The following MPP7 variants were observed in gnomAD, a reference collection of about 807,000 sequenced individuals.
MPP7 encodes the protein MAGUK p55 scaffold protein 7.
A neutral mutation model predicts 76.5 loss-of-function variants in MPP7; 60 were observed. That is an observed-to-expected ratio of 0.78 (90% CI 0.64 to 0.97). MPP7 has a LOEUF of 0.97. MPP7 is among the 50% of genes least tolerant of loss of function. MPP7 has a pLI of 0.00. For synonymous variants in MPP7, 237 were observed against 244.5 expected, an observed-to-expected ratio of 0.97 and a Z score of 0.29; for missense variants, 641 against 694.0, an observed-to-expected ratio of 0.92 and a Z score of 0.86.
Position 28,131,683 on chromosome 10 carries a change from G to C in MPP7, c.324C>G (p.Leu108=), listed in dbSNP as rs376512908. 4.6e-5 allele frequency: 73 copies of C among 1,575,730 alleles called. No homozygotes were observed. The highest frequency in any genetic ancestry group is 6.8e-5 in the Admixed American group (4 of 58,582). Residue 108 remains leucine (L), a synonymous_variant, in exon 6 of 17, where the codon CTC becomes CTG. Transcript: ENST00000683449. Reference sequence around the variant, plus strand: ...TCTGAGCCACAGTATCATGTACAGAGAGCAAAGCCTGTAATATTCAAAGGT... The same window carrying C: ...TCTGAGCCACAGTATCATGTACAGACAGCAAAGCCTGTAATATTCAAAGGT... ...LLSKPNVKAL[L]SVHDTVAQKN... is the part of the protein sequence containing the mutation.
At chr10:28,314,286 C>T (rs1219798123) in intron 2 of MPP7, among the ~76,000 whole-genome samples, 1 of 152,158 alleles carries the variant, frequency 6.6e-6, no homozygotes, top group Non-Finnish European at 1.5e-5. Flanking sequence ...TCAGAGTTCA[C>T]AGAATTCTGA....
Position 28,238,654 on chromosome 10 carries a change from C to T in MPP7, c.-50G>A, listed in dbSNP as rs776592238. On this transcript the variant is annotated 5_prime_UTR_variant, in exon 2 of 17. Transcript: ENST00000683449. ...GCCCACCGCTCTCCGGACACCCTGC[C>T]TTCGGACAGCCACAGGGAATTCCAA... The T allele has an allele frequency of 2.1e-5, 33 of 1,599,814 alleles. No individual in the cohort carries two copies. Among genetic ancestry groups the T allele is most frequent in the Non-Finnish European group, 2.7e-5 (32 of 1,167,588 alleles).
intron 2 of MPP7, among the ~76,000 whole-genome samples, chr10:28,317,307 C>T (rs1834333489): frequency 6.6e-6 from 1 of 152,102 alleles, no homozygotes; most frequent in Non-Finnish European, 1.5e-5. Flanking sequence ...ATGGGAGGTT[C>T]CCTAGAGACC....
chr10:28,287,557 C>T (rs1840817144), intron 1 of MPP7, among the ~76,000 whole-genome samples: 2 of 152,196 alleles, frequency 1.3e-5, no homozygotes, highest in South Asian at 2.1e-4. Context: ...TTGGAAAATA[C>T]TGGCTCATGG....
chr10:28,187,213 G>C (rs1375111737), intron 3 of MPP7, among the ~76,000 whole-genome samples: 1 of 152,082 alleles, frequency 6.6e-6, no homozygotes, highest in Non-Finnish European at 1.5e-5. Flanking sequence ...TCACAAATAT[G>C]GCTCCCAATT....
At chr10:28,185,218 GTATAA>G (rs1837195923) in intron 3 of MPP7, among the ~76,000 whole-genome samples, 2 of 148,080 alleles carry the variant, frequency 1.4e-5, no homozygotes, top group Non-Finnish European at 3.0e-5. Flanking sequence ...ATATAATATA[GTATAA>G]TATGATATAT....
chr10:28,074,004 A>C (rs916244710), intron 12 of MPP7, among the ~76,000 whole-genome samples: 2 of 152,078 alleles, frequency 1.3e-5, no homozygotes, highest in Admixed American at 1.3e-4. Flanking sequence ...AATACTTAAA[A>C]ATCATAATCA....
chr10:28,204,534 G>A (rs2133994922), intron 2 of MPP7, among the ~76,000 whole-genome samples: 1 of 151,664 alleles, frequency 6.6e-6, no homozygotes, highest in African/African-American at 2.4e-5. Flanking sequence ...AATCTGAAAA[G>A]GTCAAAGGAT....
chr10:28,314,538 A>C (rs1028988785), intron 2 of MPP7, among the ~76,000 whole-genome samples: 12 of 152,250 alleles, frequency 7.9e-5, no homozygotes, highest in African/African-American at 2.9e-4. Flanking sequence ...AGAATCTAGA[A>C]TGAAGTCCAA....
intron 3 of MPP7, among the ~76,000 whole-genome samples, chr10:28,192,787 A>G (rs1837451843): frequency 1.3e-5 from 2 of 152,226 alleles, no homozygotes; most frequent in Admixed American, 6.5e-5. Context: ...AGTTTATATG[A>G]CAAGGCAAAA....
intron 1 of MPP7, among the ~76,000 whole-genome samples, chr10:28,276,879 G>A (rs1334377311): frequency 6.6e-6 from 1 of 152,064 alleles, no homozygotes; most frequent in East Asian, 1.9e-4. Flanking sequence ...TATAGGACTT[G>A]ACACATATTC....
At chr10:28,139,444 C>A (rs1835443943) in intron 5 of MPP7, among the ~76,000 whole-genome samples, 2 of 152,132 alleles carry the variant, frequency 1.3e-5, no homozygotes, top group African/African-American at 4.8e-5. Context: ...CTCACACTTT[C>A]GGCCTCCAAC....
At chr10:28,217,457 G>A (rs1838347103) in intron 2 of MPP7, among the ~76,000 whole-genome samples, 1 of 150,804 alleles carries the variant, frequency 6.6e-6, no homozygotes, top group Non-Finnish European at 1.5e-5. Flanking sequence ...AACCCGGGAG[G>A]CAGAGGTTGC....
chr10:28,081,131 A>C (rs1247931079), intron 12 of MPP7, among the ~76,000 whole-genome samples: 2 of 152,258 alleles, frequency 1.3e-5, no homozygotes, highest in Non-Finnish European at 2.9e-5. Context: ...TAAAAATGTG[A>C]AATATACAGA....
intron 2 of MPP7, among the ~76,000 whole-genome samples, chr10:28,209,217 C>A (rs934991506): frequency 5.9e-5 from 9 of 152,050 alleles, no homozygotes; most frequent in African/African-American, 1.9e-4. Flanking sequence ...AAAGAACGAC[C>A]CAACACAGAG....
At chr10:28,118,175 C>T in intron 11 of MPP7, 1 of 985,198 alleles carries the variant, frequency 1.0e-6, no homozygotes, top group Non-Finnish European at 1.2e-6. Context: ...TACATACACA[C>T]ACAAACAAAC....
chr10:28,258,267 A>T (rs979321384), intron 1 of MPP7, among the ~76,000 whole-genome samples: 1 of 151,304 alleles, frequency 6.6e-6, no homozygotes, highest in Non-Finnish European at 1.5e-5. Flanking sequence ...TTAAAAAAAA[A>T]AAAAGGCATT....
chr10:28,305,841 C>A (rs982220539), upstream of MPP7: 4 of 152,304 alleles, frequency 2.6e-5, no homozygotes, highest in South Asian at 8.3e-4. Flanking sequence ...GGGAGCTGAG[C>A]AAAATATGAG....
At chr10:28,311,309 A>C (rs1045529195) in intron 2 of MPP7, among the ~76,000 whole-genome samples, 3 of 152,182 alleles carry the variant, frequency 2.0e-5, no homozygotes, top group African/African-American at 7.2e-5. Context: ...ATTCTGAGGC[A>C]TACGGGTGTG....
Sources: gnomAD v4.1 joint callset for allele counts (sites outside exome capture counted in the v4.1 genomes callset) on GRCh38, gnomAD v4.1.1 for gene constraint, MANE v1.5 for transcripts, NCBI Gene and HGNC (gene_info 2026-07-23, HGNC 2026-07-21) for gene names.